The following BICRAL variants were observed in gnomAD, a reference collection of about 807,000 sequenced individuals.
The protein encoded by BICRAL is BICRA like chromatin remodeling complex associated protein.
BICRAL carries 8 observed loss-of-function variants against 91.8 expected under a neutral mutation model. The observed-to-expected ratio is 0.09, with a 90% CI of 0.05 to 0.16. The LOEUF (loss-of-function observed/expected upper bound fraction) is 0.16, where lower values mean the gene tolerates loss of function less well. Ranked by LOEUF, BICRAL falls within the 10% of genes least tolerant of loss-of-function variation. BICRAL has a pLI of 1.00. For synonymous variants in BICRAL, 445 were observed against 491.1 expected (o/e 0.91, Z 1.24); for missense variants, 1,038 against 1,310.9 (o/e 0.79, Z 3.21).
chr6:42,837,443 A>G (rs1279654406), intron 6 of BICRAL, among the ~76,000 whole-genome samples: 1 of 151,870 alleles, frequency 6.6e-6, no homozygotes, highest in Non-Finnish European at 1.5e-5. Context: ...TAGATAATAC[A>G]TTAACTTGGT....
intron 6 of BICRAL, among the ~76,000 whole-genome samples, chr6:42,847,865 C>A (rs1197244321): frequency 1.3e-5 from 2 of 152,036 alleles, no homozygotes; most frequent in Non-Finnish European, 2.9e-5. Context: ...CGCGGTGGCT[C>A]ACGCCTGTAA....
chr6:42,780,761 T>G (rs1762887510), upstream of BICRAL, among the ~76,000 whole-genome samples: 1 of 151,946 alleles, frequency 6.6e-6, no homozygotes, highest in Non-Finnish European at 1.5e-5. Context: ...TGTTTTTGTT[T>G]GAGTCTTGCT....
intron 1 of BICRAL, among the ~76,000 whole-genome samples, chr6:42,806,461 C>T (rs1223436515): frequency 2.0e-5 from 3 of 152,122 alleles, no homozygotes; most frequent in African/African-American, 4.8e-5. Flanking sequence ...ATCCTCTCAC[C>T]TCAGCCTCCC....
intron 1 of BICRAL, among the ~76,000 whole-genome samples, chr6:42,782,878 C>T (rs1435015442): frequency 2.0e-5 from 3 of 151,580 alleles, no homozygotes; most frequent in Non-Finnish European, 4.4e-5. Context: ...AATCTCCTCC[C>T]CTCTGTTTTC....
rs1464292661 is a variant in BICRAL, at chr6:42,850,631, A to T, written c.1840-1461A>T. Among the ~76,000 whole-genome samples, 3 of 152,204 alleles carry T rather than the reference A, an allele frequency of 2.0e-5. No individual in the cohort carries two copies. The South Asian group carries it at 6.2e-4, about 32-fold the overall frequency. ...TAGGGCACGGTGGCTCACGTTTGTAATCCCAGCATTTTGGGAGGCTGAGGC... is the reference window on the plus strand; with the variant it reads ...TAGGGCACGGTGGCTCACGTTTGTATTCCCAGCATTTTGGGAGGCTGAGGC... On this transcript the variant is annotated intron_variant, in intron 6 of 12. Transcript: ENST00000314073.
chr6:42,850,239 G>A (rs967041109), intron 6 of BICRAL, among the ~76,000 whole-genome samples: 1 of 152,016 alleles, frequency 6.6e-6, no homozygotes, highest in Non-Finnish European at 1.5e-5. Context: ...AACCGAAGAG[G>A]CTGGGTGTAG....
intron 6 of BICRAL, among the ~76,000 whole-genome samples, chr6:42,832,578 C>CGT (rs59693040): frequency 0.2 from 27,905 of 142,564 alleles, 2,801 homozygotes; most frequent in African/African-American, 0.29. Flanking sequence ...ATCAAAGGGG[C>CGT]GTGTGTGTGT....
chr6:42,851,129 G>T (rs1323969550), intron 6 of BICRAL, among the ~76,000 whole-genome samples: 4 of 152,200 alleles, frequency 2.6e-5, no homozygotes, highest in African/African-American at 7.2e-5. Flanking sequence ...AGGTTGCAGT[G>T]AGTCGAGATC....
chr6:42,792,027 C>T (rs1288987700), intron 1 of BICRAL, among the ~76,000 whole-genome samples: 3 of 151,942 alleles, frequency 2.0e-5, no homozygotes, highest in African/African-American at 7.3e-5. Flanking sequence ...AAACATGGTA[C>T]AGTAAAAATA....
chr6:42,754,133 G>A (rs79639349), intron 1 of BICRAL, among the ~76,000 whole-genome samples: 5,774 of 151,634 alleles, frequency 0.038, 361 homozygotes, highest in African/African-American at 0.13. Context: ...ATTACAGGCC[G>A]TGTTTGAAGT....
intron 1 of BICRAL, among the ~76,000 whole-genome samples, chr6:42,773,348 G>A (rs931815593): frequency 2.6e-5 from 4 of 151,952 alleles, no homozygotes; most frequent in Non-Finnish European, 5.9e-5. Flanking sequence ...AAAGTGCTGG[G>A]ATTACAGTCG....
intron 1 of BICRAL, among the ~76,000 whole-genome samples, chr6:42,785,581 TGAATC>T (rs1763082217): frequency 6.9e-6 from 1 of 144,622 alleles, no homozygotes. Flanking sequence ...AAAAAAGAAT[TGAATC>T]CAGGATTGAT....
intron 6 of BICRAL, among the ~76,000 whole-genome samples, chr6:42,841,990 A>G (rs978468629): frequency 5.3e-5 from 8 of 152,186 alleles, no homozygotes; most frequent in Non-Finnish European, 1.0e-4. Flanking sequence ...GTGAATCAGC[A>G]GTTCCAGTTC....
chr6:42,769,036 T>C (rs1240937529), intron 1 of BICRAL, among the ~76,000 whole-genome samples: 1 of 152,264 alleles, frequency 6.6e-6, no homozygotes, highest in Non-Finnish European at 1.5e-5. Context: ...TATGACTATA[T>C]AACAAGGCAC....
At position 42,829,128 on chromosome 6, in the gene BICRAL, G is replaced by A. The variant is rs377630919; in HGVS notation, c.795G>A (p.Leu265=). 4.6e-5 allele frequency: 74 copies of A among 1,613,936 alleles called. No homozygotes were observed. Among genetic ancestry groups the A allele is most frequent in the Non-Finnish European group, 6.0e-5 (71 of 1,179,990 alleles). The change falls in exon 6 of 13, where the codon TTG becomes TTA. Residue 265 remains leucine, a synonymous_variant. Coordinates refer to ENST00000314073, the MANE Select transcript of BICRAL (RefSeq NM_001393499.1). ...GACAGACTCCTAATGGCAACTCCTT[G>A]TTTGGGAACTCTAGTTCCAGTCCAG... The part of the protein sequence containing the change: ...VHRQTPNGNS[L]FGNSSSSPVA...
chr6:42,781,162 G>C (rs1011557090), upstream of BICRAL, among the ~76,000 whole-genome samples: 29 of 152,138 alleles, frequency 1.9e-4, no homozygotes, highest in African/African-American at 6.0e-4. Context: ...AGATTGACTA[G>C]CTCTCTTTTA....
intron 1 of BICRAL, among the ~76,000 whole-genome samples, chr6:42,755,027 A>G (rs1762439480): frequency 6.6e-6 from 1 of 152,244 alleles, no homozygotes; most frequent in South Asian, 2.1e-4. Context: ...TAGTTGGTAG[A>G]TGACTCTGAT....
chr6:42,748,742 C>A (rs932369128), intron 1 of BICRAL, among the ~76,000 whole-genome samples: 2 of 152,170 alleles, frequency 1.3e-5, no homozygotes, highest in Non-Finnish European at 2.9e-5. Flanking sequence ...AGCCCCCCTG[C>A]ACAGCTGCAG....
upstream of BICRAL, among the ~76,000 whole-genome samples, chr6:42,778,648 T>C: frequency 6.6e-6 from 1 of 152,362 alleles, no homozygotes; most frequent in East Asian, 1.9e-4. Context: ...CTTGCAATTC[T>C]GGCTGACTTG....
Sources: allele counts gnomAD v4.1 joint callset (sites outside exome capture counted in the v4.1 genomes callset), GRCh38; gene constraint gnomAD v4.1.1; transcripts MANE v1.5; gene names NCBI Gene and HGNC (gene_info 2026-07-23, HGNC 2026-07-21).